The following RABGAP1L variants were observed in gnomAD, a reference collection of about 807,000 sequenced individuals.
The protein encoded by RABGAP1L is rab GTPase-activating protein 1-like.
Under a neutral mutation model 137.7 loss-of-function variants are expected in RABGAP1L, and 63 were observed. That is an observed-to-expected ratio of 0.46 (90% CI 0.37 to 0.56). The LOEUF (loss-of-function observed/expected upper bound fraction) is 0.56. Among genes scored for constraint, RABGAP1L ranks in the 20% least tolerant of loss-of-function variants. The pLI, the probability that RABGAP1L is intolerant of heterozygous loss-of-function variation, is 0.00. For missense variants in RABGAP1L, 1,095 were observed against 1,244.0 expected, an observed-to-expected ratio of 0.88 and a Z score of 1.80; for synonymous variants, 431 against 433.7, an observed-to-expected ratio of 0.99 and a Z score of 0.08.
intron 13 of RABGAP1L, among the ~76,000 whole-genome samples, chr1:174,423,544 C>G (rs1651603038): frequency 6.6e-6 from 1 of 152,028 alleles, no homozygotes; most frequent in African/African-American, 2.4e-5. Context: ...AATTATGAGT[C>G]AACTGATAAA....
intron 19 of RABGAP1L, among the ~76,000 whole-genome samples, chr1:174,816,435 C>T (rs1690422994): frequency 6.6e-6 from 1 of 151,636 alleles, no homozygotes; most frequent in African/African-American, 2.4e-5. Flanking sequence ...CGTGAGCCAC[C>T]ACACCAGGCC....
At chr1:174,622,501 A>G (rs975857711) in intron 13 of RABGAP1L, among the ~76,000 whole-genome samples, 1 of 152,244 alleles carries the variant, frequency 6.6e-6, no homozygotes, top group South Asian at 2.1e-4. Flanking sequence ...TGGCACATAT[A>G]CACCATGGAA....
rs945013926 is a variant in RABGAP1L, at chr1:174,366,146, A to G, written c.1466-4833A>G. Among the ~76,000 whole-genome samples the G allele has an allele frequency of 3.9e-5, 6 of 152,212 alleles. No homozygotes were observed. The South Asian group carries it at 1.2e-3, about 32-fold the overall frequency. On this transcript the variant is annotated intron_variant, in intron 11 of 25. Coordinates refer to ENST00000681986, the MANE Select transcript of RABGAP1L (RefSeq NM_001366446.1). Reference sequence around the variant, plus strand: ...GCACTTTATGGCTATTAATTTTACTATCAAAATATCCAGGTTACTGAATTC... The same window carrying G: ...GCACTTTATGGCTATTAATTTTACTGTCAAAATATCCAGGTTACTGAATTC...
rs554183922 is a variant in RABGAP1L at position 174,468,611 on chromosome 1, A to G, written c.1710+74466A>G. Among the ~76,000 whole-genome samples the G allele has an allele frequency of 3.1e-4, 47 of 152,302 alleles. No homozygotes were observed. The East Asian group carries it at 3.5e-3, about 11-fold the overall frequency. On this transcript the variant is annotated intron_variant, in intron 13 of 25. Transcript: ENST00000681986. ...TGTAGTATGAAACAGTGAATTTCAAATAGTAGTTAATTTCTTAAACTAATA... is the reference window on the plus strand; with the variant it reads ...TGTAGTATGAAACAGTGAATTTCAAGTAGTAGTTAATTTCTTAAACTAATA...
intron 13 of RABGAP1L, among the ~76,000 whole-genome samples, chr1:174,442,644 T>C (rs1654289942): frequency 6.6e-6 from 1 of 152,164 alleles, no homozygotes; most frequent in South Asian, 2.1e-4. Flanking sequence ...ACATGTGATA[T>C]TTTGATACAT....
intron 17 of RABGAP1L, among the ~76,000 whole-genome samples, chr1:174,723,004 G>A (rs1375097956): frequency 6.6e-6 from 1 of 152,220 alleles, no homozygotes; most frequent in African/African-American, 2.4e-5. Flanking sequence ...AAGGAGGCAT[G>A]CTGGAGTGAT....
intron 3 of RABGAP1L, among the ~76,000 whole-genome samples, chr1:174,226,781 T>TA (rs996005833): frequency 3.3e-5 from 5 of 151,912 alleles, no homozygotes; most frequent in South Asian, 2.1e-4. Flanking sequence ...CCTTTTTTTT[T>TA]AAAAAAAATT....
At chr1:174,863,460 T>G (rs1573559901) in intron 19 of RABGAP1L, among the ~76,000 whole-genome samples, 1 of 150,060 alleles carries the variant, frequency 6.7e-6, no homozygotes, top group Non-Finnish European at 1.5e-5. Flanking sequence ...GATCACGAGG[T>G]CAGGAGATCG....
intron 11 of RABGAP1L, among the ~76,000 whole-genome samples, chr1:174,347,307 T>C (rs1023355409): frequency 6.6e-6 from 1 of 152,214 alleles, no homozygotes; most frequent in Non-Finnish European, 1.5e-5. Flanking sequence ...TTGCTGAAAG[T>C]GGAGTGTTGA....
intron 17 of RABGAP1L, among the ~76,000 whole-genome samples, chr1:174,734,900 CTTTTTT>C (rs960667145): frequency 7.3e-6 from 1 of 136,410 alleles, no homozygotes; most frequent in Non-Finnish European, 1.6e-5. Flanking sequence ...CTTATTTAGT[CTTTTTT>C]TTAAGTGGGA....
At chr1:174,464,433 G>C (rs897301558) in intron 13 of RABGAP1L, among the ~76,000 whole-genome samples, 1 of 152,068 alleles carries the variant, frequency 6.6e-6, no homozygotes, top group African/African-American at 2.4e-5. Context: ...TTCTCCAGGA[G>C]CATATACTAT....
intron 19 of RABGAP1L, among the ~76,000 whole-genome samples, chr1:174,837,099 T>TG (rs1692831574): frequency 6.6e-6 from 1 of 151,502 alleles, no homozygotes; most frequent in South Asian, 2.1e-4. Flanking sequence ...TCCAGTTACT[T>TG]GGGGGGCTGA....
rs188018131 is a variant in RABGAP1L at position 174,961,410 on chromosome 1, T to C, written c.2433+3861T>C. On this transcript the variant is annotated intron_variant, in intron 20 of 25. Transcript: ENST00000681986. ...ATCTTAAAGAGATGAATTGTTTCTG[T>C]TGTGAGGAAAGTTTTCTAGTGATGG... is the stretch of plus-strand genomic sequence containing the variant. 3.0e-3 allele frequency among the ~76,000 whole-genome samples: 453 copies of C among 152,294 alleles called. 3 individuals are homozygous for C. The highest frequency in any genetic ancestry group is 9.8e-3 in the African/African-American group (406 of 41,560).
intron 14 of RABGAP1L, among the ~76,000 whole-genome samples, chr1:174,642,666 C>CCTCCTCTCCT (rs148571292): frequency 2.4e-4 from 36 of 148,938 alleles, no homozygotes; most frequent in African/African-American, 8.7e-4. Context: ...CACCCTCTCC[C>CCTCCTCTCCT]CTCCTCTCCT....
intron 19 of RABGAP1L, among the ~76,000 whole-genome samples, chr1:174,915,356 G>T (rs1004062716): frequency 1.3e-5 from 2 of 152,134 alleles, no homozygotes; most frequent in Non-Finnish European, 2.9e-5. Flanking sequence ...TTTTGTAGTA[G>T]TATCTCATTT....
chr1:174,866,461 G>GA (rs1404664223), intron 19 of RABGAP1L, among the ~76,000 whole-genome samples: 2 of 152,002 alleles, frequency 1.3e-5, no homozygotes, highest in East Asian at 3.8e-4. Flanking sequence ...TAACATCATG[G>GA]AAGCCATCGC....
chr1:174,465,826 G>A (rs1422477953), intron 13 of RABGAP1L, among the ~76,000 whole-genome samples: 2 of 152,164 alleles, frequency 1.3e-5, no homozygotes, highest in East Asian at 3.9e-4. Context: ...TGATCTTATG[G>A]TGAAAGACTT....
At chr1:174,471,038 A>G (rs990603161) in intron 13 of RABGAP1L, among the ~76,000 whole-genome samples, 2 of 68,480 alleles carry the variant, frequency 2.9e-5, no homozygotes, top group African/African-American at 1.8e-4. Flanking sequence ...GGTATTTAGG[A>G]AAAAAAAACA....
At chr1:174,618,934 G>C (rs961410427) in intron 13 of RABGAP1L, among the ~76,000 whole-genome samples, 5 of 152,224 alleles carry the variant, frequency 3.3e-5, no homozygotes, top group Non-Finnish European at 7.3e-5. Context: ...CCAATACAGA[G>C]AAGTGCTTAA....
Sources: gnomAD v4.1 joint callset for allele counts (sites outside exome capture counted in the v4.1 genomes callset) on GRCh38, gnomAD v4.1.1 for gene constraint, MANE v1.5 for transcripts, NCBI Gene and HGNC (gene_info 2026-07-23, HGNC 2026-07-21) for gene names.